RANBP2: variants seen among roughly 807,000 people sequenced by gnomAD.
RANBP2 encodes the protein RAN binding protein 2, also known as E3 SUMO-protein ligase RanBP2.
A neutral mutation model predicts 303.6 loss-of-function variants in RANBP2; 57 were observed. That is an observed-to-expected ratio of 0.19 (90% CI 0.15 to 0.23). The LOEUF is 0.23. Ranked by LOEUF, RANBP2 falls within the 10% of genes least tolerant of loss-of-function variation. The pLI, the probability that RANBP2 is intolerant of heterozygous loss-of-function variation, is 1.00. For missense variants in RANBP2, 3,138 were observed against 3,780.8 expected, an observed-to-expected ratio of 0.83 and a Z score of 4.46; for synonymous variants, 1,167 against 1,301.5, an observed-to-expected ratio of 0.90 and a Z score of 2.23.
At chr2:109,207,431 G>C in the RANBP2 span, among the ~76,000 whole-genome samples, 1 of 152,104 alleles carries the variant, frequency 6.6e-6, no homozygotes, top group Non-Finnish European at 1.5e-5. Context: ...TGGCAGTTTC[G>C]ATTTTGAAAA....
the RANBP2 span, among the ~76,000 whole-genome samples, chr2:109,112,063 T>C: frequency 6.6e-6 from 1 of 152,160 alleles, no homozygotes; most frequent in Admixed American, 6.5e-5. Context: ...TCCAAGTCTT[T>C]GCTATTGTGA....
chr2:108,745,870 A>G (rs1050273458), intron 7 of RANBP2, among the ~76,000 whole-genome samples: 5 of 151,680 alleles, frequency 3.3e-5, no homozygotes, highest in African/African-American at 1.2e-4. Context: ...CTTTTAGTAG[A>G]AACTAATTTC....
the RANBP2 span, chr2:108,897,287 C>T: frequency 6.8e-6 from 10 of 1,469,666 alleles, no homozygotes; most frequent in South Asian, 1.1e-4. Flanking sequence ...AGAAGGTCAA[C>T]ACTGAAAAAT....
the RANBP2 span, among the ~76,000 whole-genome samples, chr2:108,976,382 G>A: frequency 6.6e-6 from 1 of 152,146 alleles, no homozygotes; most frequent in Non-Finnish European, 1.5e-5. Flanking sequence ...TCACATGAAG[G>A]GTCCATGCTA....
chr2:109,566,467 A>G, the RANBP2 span, among the ~76,000 whole-genome samples: 4 of 152,156 alleles, frequency 2.6e-5, no homozygotes, highest in Non-Finnish European at 5.9e-5. Context: ...TCTAAAAGAC[A>G]AAGATAATGT....
the RANBP2 span, among the ~76,000 whole-genome samples, chr2:109,431,887 A>C: frequency 6.6e-6 from 1 of 152,264 alleles, no homozygotes; most frequent in African/African-American, 2.4e-5. Context: ...AAAAAGGTCA[A>C]GTAATTAACC....
chr2:108,829,311 A>T, the RANBP2 span, among the ~76,000 whole-genome samples: 1 of 152,224 alleles, frequency 6.6e-6, no homozygotes, highest in Non-Finnish European at 1.5e-5. Flanking sequence ...CCCTATTTTT[A>T]AAAAAGCAAG....
the RANBP2 span, among the ~76,000 whole-genome samples, chr2:109,511,123 G>A: frequency 1.3e-5 from 2 of 152,162 alleles, no homozygotes; most frequent in African/African-American, 2.4e-5. Flanking sequence ...AAAGAGGTGC[G>A]GCACCTAGGA....
chr2:108,906,434 C>T, the RANBP2 span: 15 of 1,566,312 alleles, frequency 9.6e-6, no homozygotes, highest in Non-Finnish European at 1.1e-5. Context: ...GGCAAATCCT[C>T]CATGTCAGCA....
chr2:109,227,744 G>A, the RANBP2 span, among the ~76,000 whole-genome samples: 1 of 152,178 alleles, frequency 6.6e-6, no homozygotes, highest in East Asian at 1.9e-4. Context: ...CAGTCCTTTC[G>A]GGTCCAACGC....
the RANBP2 span, among the ~76,000 whole-genome samples, chr2:108,950,355 A>C: frequency 6.6e-6 from 1 of 151,406 alleles, no homozygotes; most frequent in Non-Finnish European, 1.5e-5. Flanking sequence ...GGCTCGAATG[A>C]TCCTCCCGCC....
At chr2:109,519,039 C>T in the RANBP2 span, among the ~76,000 whole-genome samples, 1 of 151,706 alleles carries the variant, frequency 6.6e-6, no homozygotes, top group Non-Finnish European at 1.5e-5. Flanking sequence ...CTGCCTCAGC[C>T]TCCCAAGTAT....
At chr2:109,301,908 C>T in the RANBP2 span, among the ~76,000 whole-genome samples, 6 of 152,310 alleles carry the variant, frequency 3.9e-5, no homozygotes, top group South Asian at 2.1e-4. Context: ...GTAGCTTCCC[C>T]GGTGCGGGAC....
downstream of RANBP2, among the ~76,000 whole-genome samples, chr2:108,786,252 CTTT>C (rs5833304): frequency 7.3e-5 from 10 of 136,062 alleles, no homozygotes; most frequent in Admixed American, 1.5e-4. Flanking sequence ...TCAGCTTTCC[CTTT>C]TTTTTTTTTT....
intron 1 of RANBP2, 150 bp downstream of exon 1, chr2:108,719,828 G>A: frequency 6.9e-7 from 1 of 1,442,422 alleles, no homozygotes; most frequent in Non-Finnish European, 9.1e-7. Context: ...GCGGCGTGGC[G>A]CTTGCAAGCG....
At chr2:109,164,813 C>A in the RANBP2 span, among the ~76,000 whole-genome samples, 2 of 152,182 alleles carry the variant, frequency 1.3e-5, no homozygotes, top group Non-Finnish European at 2.9e-5. Flanking sequence ...CCTATTGAGC[C>A]AGGAAGTGAG....
chr2:109,100,343 G>A, the RANBP2 span, among the ~76,000 whole-genome samples: 1 of 152,196 alleles, frequency 6.6e-6, no homozygotes, highest in Non-Finnish European at 1.5e-5. Context: ...TATGAGCTGT[G>A]CAAGCGAGGG....
At chr2:109,561,822 T>C in the RANBP2 span, among the ~76,000 whole-genome samples, 2 of 152,110 alleles carry the variant, frequency 1.3e-5, no homozygotes, top group Admixed American at 6.5e-5. Flanking sequence ...GCAAAAATAA[T>C]TTATCAGTGG....
the RANBP2 span, among the ~76,000 whole-genome samples, chr2:109,686,383 C>T: frequency 3.3e-5 from 5 of 152,258 alleles, no homozygotes; most frequent in Admixed American, 1.3e-4. Context: ...GGCACAATCT[C>T]GGCTCACTGC....
Sources: gnomAD v4.1 joint callset for allele counts (sites outside exome capture counted in the v4.1 genomes callset) on GRCh38, gnomAD v4.1.1 for gene constraint, MANE v1.5 for transcripts, NCBI Gene and HGNC (gene_info 2026-07-23, HGNC 2026-07-21) for gene names.